YEATS2: variants seen among roughly 807,000 people sequenced by gnomAD.
YEATS2 encodes the protein YEATS domain-containing protein 2.
YEATS2 carries 77 observed loss-of-function variants against 163.2 expected under a neutral mutation model. The observed-to-expected ratio is 0.47, with a 90% CI of 0.39 to 0.57. YEATS2 has a LOEUF of 0.57. Among genes scored for constraint, YEATS2 ranks in the 20% least tolerant of loss-of-function variants. YEATS2 has a pLI of 0.00. For missense variants in YEATS2, 1,549 were observed against 1,729.8 expected, an observed-to-expected ratio of 0.90 and a Z score of 1.85; for synonymous variants, 631 against 645.1, an observed-to-expected ratio of 0.98 and a Z score of 0.33.
chr3:183,770,882 A>G (rs1722387382), intron 15 of YEATS2, among the ~76,000 whole-genome samples: 1 of 152,100 alleles, frequency 6.6e-6, no homozygotes, highest in South Asian at 2.1e-4. Context: ...TGTCTGTTTT[A>G]TGCCACAGTT....
chr3:183,798,884 C>G lies in YEATS2; in HGVS notation c.3227-7C>G. The G allele has an allele frequency of 1.9e-6, 3 of 1,607,860 alleles. No individual in the cohort carries two copies. Among genetic ancestry groups the G allele is most frequent in the Non-Finnish European group, 2.6e-6 (3 of 1,175,076 alleles). ...TGTTATATCCCTCCCTCCTTTTTTC[C>G]CTTTAGTGGTTCAGTCATTTTCTAC... On this transcript the variant is annotated splice_polypyrimidine_tract_variant and splice_region_variant and intron_variant, in intron 22 of 30. Coordinates refer to ENST00000305135, the MANE Select transcript of YEATS2 (RefSeq NM_018023.5).
At chr3:183,763,187 G>A (rs1332269426) in intron 15 of YEATS2, among the ~76,000 whole-genome samples, 1 of 152,150 alleles carries the variant, frequency 6.6e-6, no homozygotes, top group Non-Finnish European at 1.5e-5. Flanking sequence ...TTTGTTGTGT[G>A]AACATCGCAG....
In YEATS2 at chr3:183,715,188, A is replaced by G. The variant is rs769379530; in HGVS notation, c.26A>G (p.Lys9Arg). MSGIKRTI[K>R]ETDPDYEDVS... is the part of the protein sequence containing the mutation. Reference sequence around the variant, plus strand: ...ATGTCTGGAATCAAGCGAACCATCAAAGAAACCGACCCTGATTACGAGGAT... The same window carrying G: ...ATGTCTGGAATCAAGCGAACCATCAGAGAAACCGACCCTGATTACGAGGAT... Residue 9 changes from lysine (K) to arginine (R), a missense_variant, in exon 2 of 31, where the codon AAA (lysine) becomes AGA (arginine). Lys to Arg is a conservative substitution (Grantham distance 26). Coordinates refer to ENST00000305135, the MANE Select transcript of YEATS2 (RefSeq NM_018023.5). 30 of 1,613,256 alleles carry G rather than the reference A, an allele frequency of 1.9e-5. No individual in the cohort carries two copies. The highest frequency in any genetic ancestry group is 2.5e-5 in the Non-Finnish European group (29 of 1,179,808).
chr3:183,701,107 A>G (rs556954794), intron 1 of YEATS2, among the ~76,000 whole-genome samples: 1 of 145,608 alleles, frequency 6.9e-6, no homozygotes, highest in Non-Finnish European at 1.5e-5. Context: ...TTTGAGAAGG[A>G]GTCTCGCTCT....
rs577099121 is a variant in YEATS2, at chr3:183,721,376, A to G, written c.292-515A>G. Among the ~76,000 whole-genome samples, 8 of 152,330 alleles carry G rather than the reference A, an allele frequency of 5.3e-5. No individual in the cohort carries two copies. In the East Asian group the frequency reaches 1.5e-3, roughly 29 times the overall value. Reference sequence around the variant, plus strand: ...ACAGAATACACTGTATTTTGTATGCAAGTAACTAAGACACAGAAAAATTCC... The same window carrying G: ...ACAGAATACACTGTATTTTGTATGCGAGTAACTAAGACACAGAAAAATTCC... On this transcript the variant is annotated intron_variant, in intron 4 of 30. Transcript: ENST00000305135.
At chr3:183,772,784 T>C (rs199704774) in intron 16 of YEATS2, among the ~76,000 whole-genome samples, 55 of 111,332 alleles carry the variant, frequency 4.9e-4, no homozygotes, top group South Asian at 2.5e-3. Flanking sequence ...CACACCCACA[T>C]ACACACACAC....
Position 183,722,086 on chromosome 3 carries a change from G to C in YEATS2, c.487G>C (p.Glu163Gln), listed in dbSNP as rs781231374. Residue 163 changes from glutamate to glutamine, a missense_variant, in exon 5 of 31, where the codon GAA becomes CAA. Glu to Gln is a conservative substitution (Grantham distance 29, BLOSUM62 2). Coordinates refer to ENST00000305135, the MANE Select transcript of YEATS2 (RefSeq NM_018023.5). ...TAATAACAGCAATATGGATATAGAG[G>C]AAAGACTCTCAAACAACATGGAGCA... ...KDNNSNMDIE[E>Q]RLSNNMEQRP... 5 of 1,613,962 alleles carry C rather than the reference G, an allele frequency of 3.1e-6. No individual in the cohort carries two copies. In the South Asian group the frequency reaches 5.5e-5, roughly 18 times the overall value.
intron 27 of YEATS2, among the ~76,000 whole-genome samples, chr3:183,804,519 C>T (rs1045802945): frequency 6.6e-6 from 1 of 152,212 alleles, no homozygotes; most frequent in African/African-American, 2.4e-5. Flanking sequence ...TCTTTTGTGA[C>T]CTTAGGGACA....
intron 1 of YEATS2, among the ~76,000 whole-genome samples, chr3:183,700,671 T>A (rs1222509251): frequency 7.4e-6 from 1 of 135,304 alleles, no homozygotes; most frequent in Non-Finnish European, 1.5e-5. Flanking sequence ...CTCGGGAGGC[T>A]GAGGCAGGGG....
rs1726768848 is a variant in YEATS2, at chr3:183,811,239, G to T, written c.*656G>T. ...CAAAGCAGTGGCAAGGGACGGAGAG[G>T]TCCCAACAGGAGTCAGGAAGAGGTT... is the stretch of plus-strand genomic sequence containing the variant. On this transcript the variant is annotated 3_prime_UTR_variant, in exon 31 of 31. Coordinates refer to ENST00000305135, the MANE Select transcript of YEATS2 (RefSeq NM_018023.5). 6.5e-6 allele frequency: 1 copy of T among 152,828 alleles called. No individual in the cohort carries two copies. The highest frequency in any genetic ancestry group is 1.5e-5 in the Non-Finnish European group (1 of 68,560). The allele number at this position is 152,828 out of a possible 1,614,324, so 9.5% of individuals were successfully genotyped here.
Position 183,698,006 on chromosome 3 carries a change from G to A in YEATS2, c.-20+13G>A, listed in dbSNP as rs114161963. The A allele has an allele frequency of 0.13, 20,323 of 151,908 alleles. 1,582 individuals are homozygous for A. Among genetic ancestry groups the A allele is most frequent in the South Asian group, 0.18 (858 of 4,826 alleles). 9.4% of individuals were successfully genotyped at this position (151,908 alleles called of 1,614,324 possible). On this transcript the variant is annotated intron_variant, in intron 1 of 30. Transcript: ENST00000305135. ...ACCCGGAGAAAGGGTGAGTGTTGGC[G>A]GGCGCAGGAAGGGACCGGCCGGGAG...
intron 19 of YEATS2, among the ~76,000 whole-genome samples, chr3:183,778,130 A>G (rs200353075): frequency 2.1e-5 from 3 of 145,730 alleles, no homozygotes; most frequent in East Asian, 2.0e-4. Flanking sequence ...AAAAAAAAAG[A>G]AAAAAAAAGA....
chr3:183,777,618 C>T lies in YEATS2; in HGVS notation c.2654C>T (p.Thr885Ile). ...ACCACTGGGTCAGTGGTCCAAGGAA[C>T]ACTGGGAGTCAGCACATCTTCTGCA... is the stretch of plus-strand genomic sequence containing the variant. ...QLTTGSVVQG[T>I]LGVSTSSAQG... The change falls in exon 19 of 31, where the codon ACA becomes ATA. Residue 885 changes from threonine to isoleucine, a missense_variant. Thr to Ile is a moderately conservative substitution (Grantham distance 89). Coordinates refer to ENST00000305135, the MANE Select transcript of YEATS2 (RefSeq NM_018023.5). The T allele has an allele frequency of 6.2e-7, 1 of 1,614,168 alleles. No homozygotes were observed. Among genetic ancestry groups the T allele is most frequent in the Non-Finnish European group, 8.5e-7 (1 of 1,180,038 alleles).
In YEATS2 at chr3:183,806,924, A is replaced by G. The variant is rs145482556; in HGVS notation, c.3843A>G (p.Gln1281=). ...DNLCRKLEDL[Q]QFQKREPENE... is the part of the protein sequence containing the mutation. ...TCTGCCGCAAACTGGAGGACCTGCA[A>G]CAGTTCCAGAAAAGGGAACCCGAGA... is the stretch of plus-strand genomic sequence containing the variant. Residue 1281 remains glutamine (Q), a synonymous_variant, in exon 28 of 31, where the codon CAA becomes CAG. Transcript: ENST00000305135. 1.2e-4 allele frequency: 189 copies of G among 1,614,110 alleles called. No individual in the cohort carries two copies. The highest frequency in any genetic ancestry group is 1.4e-4 in the Non-Finnish European group (161 of 1,180,006).
intron 3 of YEATS2, among the ~76,000 whole-genome samples, chr3:183,718,133 A>G (rs763639300): frequency 6.6e-6 from 1 of 152,210 alleles, no homozygotes; most frequent in African/African-American, 2.4e-5. Context: ...TGTGATTATT[A>G]TGCATTGTAT....
chr3:183,765,598 C>T (rs1721822246), intron 15 of YEATS2, among the ~76,000 whole-genome samples: 1 of 152,210 alleles, frequency 6.6e-6, no homozygotes, highest in Non-Finnish European at 1.5e-5. Flanking sequence ...AGATAAGGAG[C>T]TGTCTGTGAG....
At chr3:183,719,667 TTTTC>T (rs1005314316) in intron 4 of YEATS2, among the ~76,000 whole-genome samples, 2 of 151,966 alleles carry the variant, frequency 1.3e-5, no homozygotes, top group African/African-American at 2.4e-5. Flanking sequence ...CTACTTTTTG[TTTTC>T]TTTCTTTTTT....
chr3:183,752,825 T>A (rs1427840652), intron 10 of YEATS2, among the ~76,000 whole-genome samples: 1 of 151,302 alleles, frequency 6.6e-6, no homozygotes, highest in East Asian at 1.9e-4. Flanking sequence ...TGAGATGGAG[T>A]CTTGCTCTGT....
In YEATS2 at chr3:183,804,285, C is replaced by G. The variant is rs1012252335; in HGVS notation, c.3784+97C>G. The G allele has an allele frequency of 4.1e-6, 6 of 1,446,284 alleles. No individual in the cohort carries two copies. In the Admixed American group the frequency reaches 6.0e-5, roughly 15 times the overall value. 89.6% of individuals were successfully genotyped at this position (1,446,284 alleles called of 1,614,324 possible). On this transcript the variant is annotated intron_variant, in intron 27 of 30. Coordinates refer to ENST00000305135, the MANE Select transcript of YEATS2 (RefSeq NM_018023.5). ...GACTTGGAAGAGTTGCTGTAGAGAA[C>G]GAGAGCCTTTCCTACCTCCTGCCGT...
Sources: gnomAD v4.1 joint callset for allele counts (sites outside exome capture counted in the v4.1 genomes callset) on GRCh38, gnomAD v4.1.1 for gene constraint, MANE v1.5 for transcripts, NCBI Gene and HGNC (gene_info 2026-07-23, HGNC 2026-07-21) for gene names.